SPI1: variants seen among roughly 807,000 people sequenced by gnomAD.
The protein encoded by SPI1 is transcription factor PU.1.
Under a neutral mutation model 30.7 loss-of-function variants are expected in SPI1, and 3 were observed. That is an observed-to-expected ratio of 0.10 (90% confidence interval 0.04 to 0.25). SPI1 has a LOEUF of 0.25. Ranked by LOEUF, SPI1 falls within the 10% of genes least tolerant of loss-of-function variation. The pLI, the probability that SPI1 is intolerant of heterozygous loss-of-function variation, is 1.00. For synonymous variants in SPI1, 169 were observed against 157.1 expected, an observed-to-expected ratio of 1.08 and a Z score of -0.56; for missense variants, 261 against 371.5, an observed-to-expected ratio of 0.70 and a Z score of 2.45.
At chr11:47,373,012 G>T (rs2095937872) in intron 2 of SPI1, among the ~76,000 whole-genome samples, 2 of 152,116 alleles carry the variant, frequency 1.3e-5, no homozygotes, top group South Asian at 2.1e-4. Context: ...AGTGTGTGGG[G>T]GTCTCTATGG....
At chr11:47,368,599 A>T (rs2095931648) in intron 2 of SPI1, among the ~76,000 whole-genome samples, 1 of 152,234 alleles carries the variant, frequency 6.6e-6, no homozygotes. Context: ...GATGAAGGAA[A>T]TGCTGACACG....
chr11:47,358,743 G>C, intron 4 of SPI1, 101 bp downstream of exon 4: 1 of 1,187,144 alleles, frequency 8.4e-7, no homozygotes, highest in East Asian at 2.5e-5. Context: ...ACACACACGC[G>C]ACTCGGTGGC....
chr11:47,375,625 G>A lies in SPI1; in HGVS notation c.142+8C>T, dbSNP rs572039435. ...GGGGGATGGGGGCGTGGCAGGCCCCGTACTCACCGCTATGGCTCTCCCCAT... is the reference window on the plus strand; with the variant it reads ...GGGGGATGGGGGCGTGGCAGGCCCCATACTCACCGCTATGGCTCTCCCCAT... On this transcript the variant is annotated splice_region_variant and intron_variant, in intron 2 of 4. Transcript: ENST00000378538. This position sits in a 1 kb window ranked among gnomAD's most constrained non-coding sequence, Gnocchi z 4.2. 17 of 1,610,226 alleles carry A rather than the reference G, an allele frequency of 1.1e-5. No homozygotes were observed. The highest frequency in any genetic ancestry group is 8.9e-5 in the East Asian group (4 of 44,854).
At chr11:47,356,774 C>T (rs1167454222) in intron 4 of SPI1, among the ~76,000 whole-genome samples, 1 of 151,188 alleles carries the variant, frequency 6.6e-6, no homozygotes, top group African/African-American at 2.4e-5. Context: ...TATGATCGCA[C>T]CTACCCACAC....
chr11:47,365,064 A>T (rs1291622068), intron 2 of SPI1, among the ~76,000 whole-genome samples: 2 of 152,210 alleles, frequency 1.3e-5, no homozygotes, highest in Non-Finnish European at 2.9e-5. Context: ...AGGCAGAAAT[A>T]TTCCAAATAC....
chr11:47,360,550 G>A (rs139614781), intron 2 of SPI1, among the ~76,000 whole-genome samples: 12 of 152,300 alleles, frequency 7.9e-5, no homozygotes, highest in East Asian at 7.7e-4. Flanking sequence ...AGCCAGGGCC[G>A]CGCGCGGTGG....
intron 4 of SPI1, chr11:47,358,373 T>A: frequency 1.6e-6 from 1 of 606,912 alleles, no homozygotes. Context: ...CACACACTGC[T>A]GACACCCACT....
chr11:47,366,821 CAAAAAGAAAAGAAAA>C (rs1565641645), intron 2 of SPI1, among the ~76,000 whole-genome samples: 1 of 45,712 alleles, frequency 2.2e-5, no homozygotes, highest in Non-Finnish European at 4.7e-5. Context: ...AACGCTGTCT[CAAAAAGAAAAGAAAA>C]GAAAAGAAAA....
intron 1 of SPI1, among the ~76,000 whole-genome samples, chr11:47,377,569 C>T (rs1467187377): frequency 1.3e-5 from 2 of 152,126 alleles, no homozygotes; most frequent in Non-Finnish European, 2.9e-5. Context: ...TTGTCCCAGC[C>T]TCAGCCCCCA....
intron 2 of SPI1, among the ~76,000 whole-genome samples, chr11:47,373,049 C>T (rs927723956): frequency 3.3e-5 from 5 of 152,206 alleles, no homozygotes; most frequent in African/African-American, 7.2e-5. Flanking sequence ...TACCTTCCAG[C>T]GGGTATAAAA....
rs150576392 is a variant in SPI1, at chr11:47,374,814, G to A, written c.142+819C>T. ...CCATCCCCTGAATTTGCTCCAGGAC[G>A]GAGGCTGGGCTATGGGGCAGACAGT... On this transcript the variant is annotated intron_variant, in intron 2 of 4. Transcript: ENST00000378538. The surrounding 1 kb of genome is among the most constrained non-coding windows in gnomAD (Gnocchi z 4.5). Among the ~76,000 whole-genome samples, 5 of 152,342 alleles carry A rather than the reference G, an allele frequency of 3.3e-5. No individual in the cohort carries two copies. Among genetic ancestry groups the A allele is most frequent in the Admixed American group, 6.5e-5 (1 of 15,306 alleles).
chr11:47,376,702 G>A (rs2095942872), intron 1 of SPI1, among the ~76,000 whole-genome samples: 1 of 151,852 alleles, frequency 6.6e-6, no homozygotes, highest in Non-Finnish European at 1.5e-5. Context: ...CACAGACACA[G>A]GGCCGTGCAC....
chr11:47,355,891 ACT>A (rs1468798783), intron 4 of SPI1, among the ~76,000 whole-genome samples: 7 of 145,788 alleles, frequency 4.8e-5, no homozygotes, highest in African/African-American at 1.3e-4. Flanking sequence ...GCCCACACCC[ACT>A]CACACACGTG....
chr11:47,372,748 G>A (rs2095937549), intron 2 of SPI1, among the ~76,000 whole-genome samples: 1 of 152,100 alleles, frequency 6.6e-6, no homozygotes, highest in South Asian at 2.1e-4. Context: ...AAGCTAGCAC[G>A]GGCCTCGTCC....
At chr11:47,355,870 TCA>T (rs752718354) in intron 4 of SPI1, among the ~76,000 whole-genome samples, 1 of 142,010 alleles carries the variant, frequency 7.0e-6, no homozygotes, top group African/African-American at 2.7e-5. Flanking sequence ...TTACACATGC[TCA>T]CACATCACGC....
At chr11:47,365,590 T>C (rs1402030022) in intron 2 of SPI1, among the ~76,000 whole-genome samples, 2 of 152,182 alleles carry the variant, frequency 1.3e-5, no homozygotes, top group African/African-American at 4.8e-5. Flanking sequence ...CAAACCCACC[T>C]GTATCTGACC....
intron 2 of SPI1, among the ~76,000 whole-genome samples, chr11:47,370,280 G>A (rs912239447): frequency 6.6e-6 from 1 of 152,012 alleles, no homozygotes; most frequent in Admixed American, 6.6e-5. Flanking sequence ...GCACACACCT[G>A]TAATCCCAGC....
intron 2 of SPI1, among the ~76,000 whole-genome samples, chr11:47,368,061 A>C (rs1226402291): frequency 6.6e-6 from 1 of 152,058 alleles, no homozygotes; most frequent in East Asian, 1.9e-4. Context: ...CCGATGGTTT[A>C]ATTTTTAATA....
In SPI1 at chr11:47,359,846, C is replaced by T; in HGVS notation, c.330+7G>A. On this transcript the variant is annotated splice_region_variant and intron_variant, in intron 3 of 4. Transcript: ENST00000378538. The surrounding 1 kb of genome is among the most constrained non-coding windows in gnomAD (Gnocchi z 5.1). ...TCCTGGGGGACGGGGCAGGCGGTGG[C>T]ATGCACCTGGTGGCCAAGACTGGGA... is the stretch of plus-strand genomic sequence containing the variant. The T allele has an allele frequency of 1.2e-6, 2 of 1,602,940 alleles. No individual in the cohort carries two copies. The highest frequency in any genetic ancestry group is 1.7e-6 in the Non-Finnish European group (2 of 1,179,592).
Sources: allele counts gnomAD v4.1 joint callset (sites outside exome capture counted in the v4.1 genomes callset), GRCh38; gene constraint gnomAD v4.1.1; non-coding constraint Gnocchi (gnomAD v3.1); transcripts MANE v1.5; gene names NCBI Gene and HGNC (gene_info 2026-07-23, HGNC 2026-07-21).